Variants in ZNF385D observed in about 807,000 individuals in gnomAD.
ZNF385D encodes the protein zinc finger protein 659.
ZNF385D carries 15 observed loss-of-function variants against 35.8 expected under a neutral mutation model. The observed-to-expected ratio is 0.42, with a 90% CI of 0.28 to 0.64. The LOEUF (loss-of-function observed/expected upper bound fraction) is 0.64, where lower values mean the gene tolerates loss of function less well. Among genes scored for constraint, ZNF385D ranks in the 30% least tolerant of loss-of-function variants. The probability of loss-of-function intolerance (pLI) is 0.23; values close to 1 mark genes in which losing one functional copy is unlikely to be tolerated. For synonymous variants in ZNF385D, 212 were observed against 186.8 expected (o/e 1.13, Z -1.10); for missense variants, 474 against 494.6 (o/e 0.96, Z 0.39).
At chr3:22,071,934 G>C (rs1234434964) in intron 3 of ZNF385D, among the ~76,000 whole-genome samples, 2 of 151,960 alleles carry the variant, frequency 1.3e-5, no homozygotes, top group Non-Finnish European at 2.9e-5. Context: ...GGTCTTGCAA[G>C]GTCTGGTAAC....
chr3:22,261,794 G>A (rs982648044), intron 2 of ZNF385D, among the ~76,000 whole-genome samples: 3 of 151,718 alleles, frequency 2.0e-5, no homozygotes, highest in African/African-American at 7.3e-5. Flanking sequence ...ACAGCAATAA[G>A]GTCTCTCTCT....
intron 3 of ZNF385D, among the ~76,000 whole-genome samples, chr3:21,952,575 C>T (rs1702113445): frequency 6.6e-6 from 1 of 151,888 alleles, no homozygotes; most frequent in Non-Finnish European, 1.5e-5. Context: ...CCTCAGTTTT[C>T]TCACCTTTAA....
chr3:21,811,173 T>C (rs1388640671), intron 3 of ZNF385D, among the ~76,000 whole-genome samples: 1 of 152,150 alleles, frequency 6.6e-6, no homozygotes, highest in South Asian at 2.1e-4. Flanking sequence ...ACTCATTGTA[T>C]TCTGTTTAGC....
At chr3:22,273,961 A>T (rs1701302670) in intron 2 of ZNF385D, among the ~76,000 whole-genome samples, 1 of 152,022 alleles carries the variant, frequency 6.6e-6, no homozygotes, top group Admixed American at 6.6e-5. Flanking sequence ...GATACCATTA[A>T]ATGCTGCCAT....
At chr3:22,084,826 G>T (rs1332549534) in intron 3 of ZNF385D, among the ~76,000 whole-genome samples, 2 of 152,184 alleles carry the variant, frequency 1.3e-5, no homozygotes, top group Non-Finnish European at 2.9e-5. Flanking sequence ...ATAGTTGGAA[G>T]TAAAGCACTC....
intron 3 of ZNF385D, among the ~76,000 whole-genome samples, chr3:21,931,372 G>A (rs558869339): frequency 6.6e-6 from 1 of 152,278 alleles, no homozygotes; most frequent in East Asian, 1.9e-4. Flanking sequence ...GATCACCTCA[G>A]AAAATAATTT....
At chr3:22,197,756 A>G (rs955423485) in intron 2 of ZNF385D, among the ~76,000 whole-genome samples, 1 of 152,102 alleles carries the variant, frequency 6.6e-6, no homozygotes, top group African/African-American at 2.4e-5. Context: ...GGGACTCATG[A>G]CCCTGCATGG....
chr3:21,815,612 A>C (rs190004907), intron 3 of ZNF385D, among the ~76,000 whole-genome samples: 63 of 152,260 alleles, frequency 4.1e-4, no homozygotes, highest in African/African-American at 1.4e-3. Flanking sequence ...CACACACACC[A>C]TCCCAAGACT....
chr3:22,179,890 A>G (rs998885392), intron 2 of ZNF385D, among the ~76,000 whole-genome samples: 4 of 152,222 alleles, frequency 2.6e-5, no homozygotes, highest in Admixed American at 6.5e-5. Context: ...GAGAAGCAAG[A>G]GCAAACACAT....
chr3:21,649,591 A>G lies in ZNF385D; in HGVS notation c.165+15295T>C, dbSNP rs192910427. Reference sequence around the variant, plus strand: ...TGGCAAAGCAACTCTTCAGACCCAGAAGATATTTAAAGCTTCAGTCTCTTT... The same window carrying G: ...TGGCAAAGCAACTCTTCAGACCCAGGAGATATTTAAAGCTTCAGTCTCTTT... On this transcript the variant is annotated intron_variant, in intron 2 of 7. Coordinates refer to ENST00000281523, the MANE Select transcript of ZNF385D (RefSeq NM_024697.3). 1.5e-4 allele frequency among the ~76,000 whole-genome samples: 23 copies of G among 152,332 alleles called. No homozygotes were observed. In the East Asian group the frequency reaches 4.2e-3, roughly 28 times the overall value.
At chr3:22,291,082 C>G (rs1702278898) in intron 2 of ZNF385D, among the ~76,000 whole-genome samples, 1 of 152,088 alleles carries the variant, frequency 6.6e-6, no homozygotes. Context: ...AATACCATCC[C>G]CCTGGGGATT....
rs780847277 is a variant in ZNF385D at position 22,242,242 on chromosome 3, AT to A, written c.107-73208del. On this transcript the variant is annotated intron_variant, in intron 2 of 5. Coordinates refer to the ZNF385D transcript ENST00000494108. ...AAGTATAATAATAAAAGAAAAAAAA[AT>A]ATCCACTCCCTAAGAAGGTGATTAC... Among the ~76,000 whole-genome samples the A allele has an allele frequency of 4.4e-4, 66 of 151,142 alleles. 2 individuals carry two copies. The highest frequency in any genetic ancestry group is 1.3e-3 in the African/African-American group (55 of 40,880).
chr3:22,024,829 AATG>A (rs1697438243), intron 3 of ZNF385D, among the ~76,000 whole-genome samples: 1 of 152,158 alleles, frequency 6.6e-6, no homozygotes, highest in Non-Finnish European at 1.5e-5. Flanking sequence ...GATGAAAGAA[AATG>A]ATGACCTCAG....
chr3:21,777,443 C>T (rs866471796), intron 3 of ZNF385D, among the ~76,000 whole-genome samples: 5 of 151,876 alleles, frequency 3.3e-5, no homozygotes, highest in African/African-American at 9.7e-5. Context: ...ATCTCAGCAC[C>T]AACTTAGTTG....
chr3:22,013,454 T>C (rs1696699821), intron 3 of ZNF385D, among the ~76,000 whole-genome samples: 1 of 152,174 alleles, frequency 6.6e-6, no homozygotes, highest in Admixed American at 6.5e-5. Context: ...TGTTTTGTAC[T>C]GTAAAATATT....
chr3:21,437,351 CA>C (rs927293779), intron 4 of ZNF385D, 148 bp from the exon 5 acceptor site: 2 of 630,758 alleles, frequency 3.2e-6, no homozygotes, highest in Admixed American at 3.6e-5. Context: ...AATCACCTCA[CA>C]AAAAAATTCA....
chr3:21,499,456 C>A (rs1279666645), intron 4 of ZNF385D, among the ~76,000 whole-genome samples: 2 of 151,868 alleles, frequency 1.3e-5, no homozygotes, highest in Non-Finnish European at 2.9e-5. Flanking sequence ...AAGAAAGGAA[C>A]AACAGACACC....
intron 3 of ZNF385D, among the ~76,000 whole-genome samples, chr3:21,848,040 G>T (rs944175318): frequency 1.3e-5 from 2 of 151,922 alleles, no homozygotes; most frequent in African/African-American, 2.4e-5. Context: ...TTCTATAAGT[G>T]TGACTATTTA....
At chr3:21,800,023 T>C (rs916658452) in intron 3 of ZNF385D, among the ~76,000 whole-genome samples, 5 of 152,194 alleles carry the variant, frequency 3.3e-5, no homozygotes, top group Admixed American at 6.5e-5. Flanking sequence ...TTCCAAAGAT[T>C]ATTCTTTATT....
Sources: gnomAD v4.1 joint callset for allele counts (sites outside exome capture counted in the v4.1 genomes callset) on GRCh38, gnomAD v4.1.1 for gene constraint, MANE v1.5 for transcripts, NCBI Gene and HGNC (gene_info 2026-07-23, HGNC 2026-07-21) for gene names.